RSPO2: variants seen among roughly 807,000 people sequenced by gnomAD.
The protein encoded by RSPO2 is R-spondin-2.
RSPO2 carries 14 observed loss-of-function variants against 30.9 expected under a neutral mutation model. The ratio of observed to expected loss-of-function variants is 0.45; its 90% CI spans 0.30 to 0.71. The LOEUF is 0.71. Ranked by LOEUF, RSPO2 falls within the 30% of genes least tolerant of loss-of-function variation. RSPO2 has a pLI of 0.08. For missense variants in RSPO2, 264 were observed against 301.9 expected (o/e 0.87, Z 0.93); for synonymous variants, 107 against 96.4 (o/e 1.11, Z -0.64).
At chr8:107,997,053 G>C (rs1815052309) in intron 2 of RSPO2, 1 of 254,490 alleles carries the variant, frequency 3.9e-6, no homozygotes, top group South Asian at 3.9e-5. Flanking sequence ...CAGTGCTGAA[G>C]GACAAGAGCC....
At chr8:107,956,353 A>C (rs1031286541) in intron 5 of RSPO2, among the ~76,000 whole-genome samples, 1 of 152,232 alleles carries the variant, frequency 6.6e-6, no homozygotes, top group Admixed American at 6.5e-5. Context: ...ACTTGGTAAA[A>C]CTTCAGTAAG....
At chr8:108,011,853 A>T (rs1810720906) in intron 2 of RSPO2, among the ~76,000 whole-genome samples, 1 of 152,170 alleles carries the variant, frequency 6.6e-6, no homozygotes, top group Non-Finnish European at 1.5e-5. Context: ...CTTAATTACA[A>T]TTTCCTCCAA....
chr8:107,978,235 C>A (rs1814283350), intron 3 of RSPO2, among the ~76,000 whole-genome samples: 1 of 152,060 alleles, frequency 6.6e-6, no homozygotes, highest in Non-Finnish European at 1.5e-5. Flanking sequence ...TGAGACCAGC[C>A]TGGCCAACAT....
At position 108,083,382 on chromosome 8, in the gene RSPO2, G is replaced by A. The variant is rs1287257498; in HGVS notation, c.-355C>T. On this transcript the variant is annotated 5_prime_UTR_variant, in exon 1 of 6. Transcript: ENST00000276659. ...GCGACGCCAGGCAGGAGCGCGGAGC[G>A]GCGGGTGCAGCCACTGGGATGCTCC... The A allele has an allele frequency of 2.6e-5, 4 of 152,374 alleles. No individual in the cohort carries two copies. The highest frequency in any genetic ancestry group is 7.2e-5 in the African/African-American group (3 of 41,582). The allele number at this position is 152,374 out of a possible 1,614,324, so 9.4% of individuals were successfully genotyped here. A position where few individuals can be genotyped will look rare whatever the true frequency, so the allele number is the denominator to read the frequency against.
At chr8:108,081,682 G>A (rs1813202480) in intron 2 of RSPO2, among the ~76,000 whole-genome samples, 1 of 152,110 alleles carries the variant, frequency 6.6e-6, no homozygotes, top group Admixed American at 6.5e-5. Context: ...CTGCAGGAAA[G>A]CGAGTTCCCC....
At chr8:107,925,901 T>A (rs1176875579) in intron 5 of RSPO2, among the ~76,000 whole-genome samples, 1 of 152,166 alleles carries the variant, frequency 6.6e-6, no homozygotes, top group Admixed American at 6.6e-5. Flanking sequence ...ATGATTTATA[T>A]TCCTTTGGGT....
chr8:108,040,924 C>T (rs536046588), intron 2 of RSPO2, among the ~76,000 whole-genome samples: 4 of 152,208 alleles, frequency 2.6e-5, no homozygotes, highest in South Asian at 4.2e-4. Context: ...TGAGGTATCA[C>T]TCAAATCAAC....
In RSPO2 at chr8:107,996,604, C is replaced by T. The variant is rs372546151; in HGVS notation, c.95-7360G>A. On this transcript the variant is annotated intron_variant, in intron 2 of 5. Transcript: ENST00000276659. ...AGGAGGTTCACTGTCCTACAGTCAT[C>T]ACATGCTAAAGTTGAAGCTATACTT... Among the ~76,000 whole-genome samples, 102 of 152,316 alleles carry T rather than the reference C, an allele frequency of 6.7e-4. 2 individuals carry two copies. The East Asian group carries it at 0.012, about 17-fold the overall frequency.
intron 2 of RSPO2, among the ~76,000 whole-genome samples, chr8:108,062,858 A>G (rs199762603): frequency 3.9e-5 from 6 of 151,934 alleles, no homozygotes; most frequent in African/African-American, 9.7e-5. Context: ...TCATCCCTGG[A>G]ATGCAAAGCT....
At chr8:107,939,724 G>A (rs1812833767) in intron 5 of RSPO2, among the ~76,000 whole-genome samples, 1 of 151,824 alleles carries the variant, frequency 6.6e-6, no homozygotes, top group South Asian at 2.1e-4. Context: ...CGTTTTGCCT[G>A]CATTCTGGCA....
chr8:107,959,372 AC>A (rs1281222362), intron 4 of RSPO2, among the ~76,000 whole-genome samples: 3 of 152,054 alleles, frequency 2.0e-5, no homozygotes, highest in African/African-American at 4.8e-5. Context: ...AAAATAGGCT[AC>A]CCCCCAACTC....
At chr8:107,980,690 C>T (rs1030520784) in intron 3 of RSPO2, among the ~76,000 whole-genome samples, 1 of 152,142 alleles carries the variant, frequency 6.6e-6, no homozygotes, top group Admixed American at 6.6e-5. Context: ...TCATGCATTT[C>T]CTCTAAACCT....
intron 2 of RSPO2, among the ~76,000 whole-genome samples, chr8:108,029,920 T>C (rs1454352681): frequency 2.0e-5 from 3 of 152,144 alleles, no homozygotes; most frequent in African/African-American, 7.2e-5. Context: ...AGATAGTCCT[T>C]GTCCTTGTAA....
At chr8:108,071,530 C>T (rs1586678811) in intron 2 of RSPO2, among the ~76,000 whole-genome samples, 1 of 152,260 alleles carries the variant, frequency 6.6e-6, no homozygotes, top group Middle Eastern at 3.4e-3. Flanking sequence ...TGAAGGAGGG[C>T]GGCCACAAGA....
Position 108,029,722 on chromosome 8 carries a change from A to G in RSPO2, c.95-40478T>C, listed in dbSNP as rs114959217. ...TTTTTCCACTAAAAGGAGTCCTGAA[A>G]TAGAACTTGAGCAATATTTACATAT... On this transcript the variant is annotated intron_variant, in intron 2 of 5. Transcript: ENST00000276659. Among the ~76,000 whole-genome samples, 501 of 152,328 alleles carry G rather than the reference A, an allele frequency of 3.3e-3. 1 individual carries two copies. The highest frequency in any genetic ancestry group is 0.011 in the African/African-American group (478 of 41,576).
intron 2 of RSPO2, among the ~76,000 whole-genome samples, chr8:108,058,813 G>A (rs752164020): frequency 9.2e-5 from 14 of 151,696 alleles, no homozygotes; most frequent in East Asian, 5.8e-4. Flanking sequence ...AGCTGAAACC[G>A]GATCCCTTCG....
chr8:107,968,075 A>T (rs1366262228), intron 3 of RSPO2, among the ~76,000 whole-genome samples: 2 of 152,184 alleles, frequency 1.3e-5, no homozygotes, highest in Non-Finnish European at 2.9e-5. Context: ...AATGTGATCC[A>T]GCAATCCCAC....
At chr8:107,973,389 A>G (rs1377954030) in intron 3 of RSPO2, among the ~76,000 whole-genome samples, 1 of 138,538 alleles carries the variant, frequency 7.2e-6, no homozygotes, top group African/African-American at 3.1e-5. Flanking sequence ...GGTACAGTTG[A>G]CCCTTGCACA....
intron 5 of RSPO2, among the ~76,000 whole-genome samples, chr8:107,922,450 A>G (rs530810922): frequency 1.8e-4 from 27 of 152,176 alleles, no homozygotes; most frequent in African/African-American, 6.3e-4. Context: ...AGAAACAAAT[A>G]GAAAAATATT....
Sources: allele counts gnomAD v4.1 joint callset (sites outside exome capture counted in the v4.1 genomes callset), GRCh38; gene constraint gnomAD v4.1.1; transcripts MANE v1.5; gene names NCBI Gene and HGNC (gene_info 2026-07-23, HGNC 2026-07-21).